The following MAST2 variants were observed in gnomAD, a reference collection of about 807,000 sequenced individuals.
MAST2 encodes microtubule associated serine/threonine kinase 2.
MAST2 carries 70 observed loss-of-function variants against 147.4 expected under a neutral mutation model. That is an observed-to-expected ratio of 0.47 (90% CI 0.39 to 0.58). The LOEUF (loss-of-function observed/expected upper bound fraction) is 0.58, where lower values mean the gene tolerates loss of function less well. Ranked by LOEUF, MAST2 falls within the 20% of genes least tolerant of loss-of-function variation. The pLI, the probability that MAST2 is intolerant of heterozygous loss-of-function variation, is 0.00. For missense variants in MAST2, 2,080 were observed against 2,302.3 expected (o/e 0.90, Z 1.98); for synonymous variants, 869 against 896.8 (o/e 0.97, Z 0.55).
intron 4 of MAST2, among the ~76,000 whole-genome samples, chr1:45,951,603 T>C (rs1050013346): frequency 6.6e-6 from 1 of 151,120 alleles, no homozygotes; most frequent in African/African-American, 2.4e-5. Flanking sequence ...AAAAAGAATA[T>C]AAAAGAAGGA....
chr1:46,007,579 G>A (rs1319832083), intron 8 of MAST2, among the ~76,000 whole-genome samples: 1 of 152,138 alleles, frequency 6.6e-6, no homozygotes, highest in Non-Finnish European at 1.5e-5. Flanking sequence ...AGACAGAGTG[G>A]GACAGTTGTG....
At chr1:45,922,730 TG>T (rs891863454) in intron 4 of MAST2, among the ~76,000 whole-genome samples, 5 of 152,052 alleles carry the variant, frequency 3.3e-5, no homozygotes, top group African/African-American at 1.2e-4. Flanking sequence ...TGGCTGCACC[TG>T]GGGGGCTCCC....
chr1:45,942,826 A>G (rs149226071), intron 4 of MAST2, among the ~76,000 whole-genome samples: 272 of 152,340 alleles, frequency 1.8e-3, no homozygotes, highest in African/African-American at 6.2e-3. Context: ...GCAAATTTAT[A>G]TTACTTTTAC....
intron 5 of MAST2, among the ~76,000 whole-genome samples, chr1:45,984,609 T>A (rs1644542648): frequency 1.3e-5 from 2 of 152,170 alleles, no homozygotes; most frequent in Admixed American, 1.3e-4. Flanking sequence ...ACCCCTGGCC[T>A]ATTTTTTATC....
intron 3 of MAST2, among the ~76,000 whole-genome samples, chr1:45,867,369 G>C (rs1207042932): frequency 6.6e-6 from 1 of 152,318 alleles, no homozygotes; most frequent in African/African-American, 2.4e-5. Context: ...CAGAAGATCA[G>C]CTAAGACACA....
chr1:46,031,127 T>C lies in MAST2; in HGVS notation c.2829T>C (p.Pro943=), dbSNP rs561369064. 1.9e-6 allele frequency: 3 copies of C among 1,610,940 alleles called. No homozygotes were observed. Among genetic ancestry groups the C allele is most frequent in the East Asian group, 2.2e-5 (1 of 44,792 alleles). Residue 943 remains proline, a synonymous_variant, in exon 23 of 29, where the codon CCT becomes CCC. Coordinates refer to ENST00000361297, the MANE Select transcript of MAST2 (RefSeq NM_015112.3). This position sits in a 1 kb window ranked among gnomAD's most constrained non-coding sequence, Gnocchi z 4.1. ...LLDAPRFPEG[P]EEASSTLRRQ... is the part of the protein sequence containing the mutation. The stretch of plus-strand genomic sequence containing the variant: ...ATGCGCCTCGGTTCCCGGAGGGCCC[T>C]GAGGAGGCCAGCAGCACCCTCAGGA...
At chr1:46,030,851 T>C in intron 22 of MAST2, 90 bp downstream of exon 22, 1 of 1,479,376 alleles carries the variant, frequency 6.8e-7, no homozygotes, top group South Asian at 1.4e-5. Context: ...CAGGGAGGAG[T>C]GCAGGTGGCA....
At chr1:45,941,461 T>C (rs1657254728) in intron 4 of MAST2, among the ~76,000 whole-genome samples, 1 of 152,196 alleles carries the variant, frequency 6.6e-6, no homozygotes, top group Non-Finnish European at 1.5e-5. Flanking sequence ...GGTTTCACCA[T>C]CTTGGCCAGG....
At chr1:45,911,302 T>C (rs1651615346) in intron 4 of MAST2, among the ~76,000 whole-genome samples, 1 of 152,134 alleles carries the variant, frequency 6.6e-6, no homozygotes, top group African/African-American at 2.4e-5. Context: ...TAATATCTTC[T>C]TTGGTCAGAT....
chr1:45,895,920 ACTTTT>A (rs1228140886), intron 4 of MAST2, among the ~76,000 whole-genome samples: 1 of 152,232 alleles, frequency 6.6e-6, no homozygotes, highest in Non-Finnish European at 1.5e-5. Context: ...AAATATTTAC[ACTTTT>A]CTTTGGCTTT....
At chr1:46,027,985 C>A in intron 17 of MAST2, 122 bp downstream of exon 17, 1 of 1,170,152 alleles carries the variant, frequency 8.5e-7, no homozygotes, top group Non-Finnish European at 1.2e-6. Flanking sequence ...TGAGGCCAGC[C>A]TGGGCAACAT....
At chr1:45,850,802 A>G (rs1570368887) in intron 3 of MAST2, among the ~76,000 whole-genome samples, 1 of 139,962 alleles carries the variant, frequency 7.1e-6, no homozygotes, top group South Asian at 2.2e-4. Flanking sequence ...TCTGTTCTAT[A>G]GGTCTATGTG....
At chr1:45,902,030 T>C (rs539557224) in intron 4 of MAST2, among the ~76,000 whole-genome samples, 3 of 152,332 alleles carry the variant, frequency 2.0e-5, no homozygotes, top group South Asian at 2.1e-4. Context: ...ATAGGAGTAG[T>C]GGGAGTGGAC....
intron 4 of MAST2, among the ~76,000 whole-genome samples, chr1:45,884,263 C>G (rs1557866069): frequency 6.6e-6 from 1 of 151,992 alleles, no homozygotes; most frequent in Non-Finnish European, 1.5e-5. Flanking sequence ...AATATCTACT[C>G]TGGGTCAGGT....
intron 3 of MAST2, among the ~76,000 whole-genome samples, chr1:45,835,184 C>T (rs1217980416): frequency 6.6e-6 from 1 of 152,048 alleles, no homozygotes; most frequent in African/African-American, 2.4e-5. Context: ...ATACATCCTA[C>T]CAATCTACCA....
At position 46,031,307 on chromosome 1, in the gene MAST2, G is replaced by T; in HGVS notation, c.2992+17G>T. 2 of 1,542,160 alleles carry T rather than the reference G, an allele frequency of 1.3e-6. No homozygotes were observed. The highest frequency in any genetic ancestry group is 1.8e-6 in the Non-Finnish European group (2 of 1,140,850). The stretch of plus-strand genomic sequence containing the variant: ...CCAGTCCAGGTATGGCCCAGTGGGC[G>T]GCCAAACGACCTAAGCTGGAGGATA... On this transcript the variant is annotated intron_variant, in intron 23 of 28. Transcript: ENST00000361297. The surrounding 1 kb of genome is among the most constrained non-coding windows in gnomAD (Gnocchi z 4.1).
At position 45,847,992 on chromosome 1, in the gene MAST2, A is replaced by G. The variant is rs535047726; in HGVS notation, c.468+18411A>G. Among the ~76,000 whole-genome samples the G allele has an allele frequency of 9.2e-5, 14 of 152,316 alleles. No individual in the cohort carries two copies. The South Asian group carries it at 2.7e-3, about 29-fold the overall frequency. On this transcript the variant is annotated intron_variant, in intron 3 of 28. Transcript: ENST00000361297. ...AGTGATAGTTTAGTTGCAATAGAGA[A>G]CTAATATTTACTAGACCCTATTCCT...
At chr1:45,962,233 A>G (rs1358678269) in intron 5 of MAST2, among the ~76,000 whole-genome samples, 1 of 152,158 alleles carries the variant, frequency 6.6e-6, no homozygotes, top group African/African-American at 2.4e-5. Context: ...ATAAACATAC[A>G]AGTACATGTG....
chr1:45,865,746 T>C (rs2148110251), intron 3 of MAST2, among the ~76,000 whole-genome samples: 1 of 152,326 alleles, frequency 6.6e-6, no homozygotes, highest in East Asian at 1.9e-4. Context: ...ATAGGCAACC[T>C]TCAACTGAGT....
Sources: allele counts gnomAD v4.1 joint callset (sites outside exome capture counted in the v4.1 genomes callset), GRCh38; gene constraint gnomAD v4.1.1; non-coding constraint Gnocchi (gnomAD v3.1); transcripts MANE v1.5; gene names NCBI Gene and HGNC (gene_info 2026-07-23, HGNC 2026-07-21).